The following CYRIA variants were observed in gnomAD, a reference collection of about 807,000 sequenced individuals.
CYRIA encodes CYFIP-related Rac1 interactor A.
A neutral mutation model predicts 43.9 loss-of-function variants in CYRIA; 15 were observed. That is an observed-to-expected ratio of 0.34 (90% confidence interval 0.23 to 0.53). The LOEUF (loss-of-function observed/expected upper bound fraction) is 0.53. Among genes scored for constraint, CYRIA ranks in the 20% least tolerant of loss-of-function variants. The pLI is 0.94. For synonymous variants in CYRIA, 117 were observed against 136.0 expected (o/e 0.86, Z 0.97); for missense variants, 236 against 394.2 (o/e 0.60, Z 3.40).
intron 2 of CYRIA, among the ~76,000 whole-genome samples, chr2:16,620,474 C>T (rs1263496225): frequency 9.2e-5 from 14 of 152,180 alleles, no homozygotes; most frequent in Admixed American, 9.2e-4. Context: ...TTCAGTTGAT[C>T]TGTGTGAACT....
At chr2:16,587,858 G>A (rs1003576977) in intron 3 of CYRIA, among the ~76,000 whole-genome samples, 192 bp downstream of exon 3, 6 of 152,112 alleles carry the variant, frequency 3.9e-5, no homozygotes, top group East Asian at 1.9e-4. Context: ...ATGTGGAACC[G>A]TGAGTCAAAC....
At chr2:16,568,020 A>G (rs1667002952) in intron 3 of CYRIA, among the ~76,000 whole-genome samples, 1 of 152,126 alleles carries the variant, frequency 6.6e-6, no homozygotes, top group South Asian at 2.1e-4. Context: ...AGGTTAGAAA[A>G]CAATCTACTG....
In CYRIA at chr2:16,650,726, G is replaced by A. The variant is rs943553185; in HGVS notation, c.-167+15054C>T. Among the ~76,000 whole-genome samples the A allele has an allele frequency of 2.6e-5, 4 of 152,102 alleles. No homozygotes were observed. Among genetic ancestry groups the A allele is most frequent in the African/African-American group, 4.8e-5 (2 of 41,424 alleles). On this transcript the variant is annotated intron_variant, in intron 1 of 11. Transcript: ENST00000381323. The surrounding 1 kb of genome is among the most constrained non-coding windows in gnomAD (Gnocchi z 4.1). Reference sequence around the variant, plus strand: ...GAATGCCCATTACATGCCTGCAACCGGCACCGGGAATGGCAACAATCAGAG... The same window carrying A: ...GAATGCCCATTACATGCCTGCAACCAGCACCGGGAATGGCAACAATCAGAG...
At chr2:16,573,055 G>A (rs940284434) in intron 3 of CYRIA, among the ~76,000 whole-genome samples, 2 of 152,112 alleles carry the variant, frequency 1.3e-5, no homozygotes, top group Admixed American at 6.5e-5. Flanking sequence ...GACACACTAA[G>A]AACCCACACC....
At chr2:16,627,054 T>C (rs1408515836) in intron 1 of CYRIA, among the ~76,000 whole-genome samples, 1 of 152,088 alleles carries the variant, frequency 6.6e-6, no homozygotes, top group African/African-American at 2.4e-5. Flanking sequence ...GGGCCCGAAA[T>C]AGGCATCTCC....
chr2:16,641,177 T>C (rs180852081), intron 1 of CYRIA, among the ~76,000 whole-genome samples: 2 of 152,294 alleles, frequency 1.3e-5, no homozygotes, highest in Admixed American at 6.5e-5. Context: ...ACGGCTATTA[T>C]TGCATCACTC....
intron 1 of CYRIA, among the ~76,000 whole-genome samples, chr2:16,639,279 A>G (rs1267685232): frequency 2.6e-5 from 4 of 152,252 alleles, no homozygotes; most frequent in East Asian, 1.9e-4. Flanking sequence ...TATTTCGCCA[A>G]TGAATGTATG....
intron 5 of CYRIA, among the ~76,000 whole-genome samples, 200 bp from the exon 6 acceptor site, chr2:16,562,341 C>G (rs563078046): frequency 2.0e-5 from 3 of 152,058 alleles, no homozygotes; most frequent in Non-Finnish European, 4.4e-5. Flanking sequence ...CTGAGGAAAC[C>G]CCCCATGGCC....
At chr2:16,612,194 A>G (rs1340856215) in intron 2 of CYRIA, among the ~76,000 whole-genome samples, 1 of 152,176 alleles carries the variant, frequency 6.6e-6, no homozygotes, top group African/African-American at 2.4e-5. Context: ...TGAAAGAATG[A>G]GTGAAGAATG....
chr2:16,578,376 C>A (rs1389811794), intron 3 of CYRIA, among the ~76,000 whole-genome samples: 2 of 152,096 alleles, frequency 1.3e-5, no homozygotes, highest in Non-Finnish European at 2.9e-5. Context: ...AAACACAAAG[C>A]AAGAAAATAT....
chr2:16,630,225 T>C (rs1414557000), intron 1 of CYRIA, among the ~76,000 whole-genome samples: 1 of 152,074 alleles, frequency 6.6e-6, no homozygotes, highest in Non-Finnish European at 1.5e-5. Context: ...AGAGGCTGAG[T>C]GATGAGCTCT....
chr2:16,562,962 G>GA (rs2103413909), intron 5 of CYRIA, among the ~76,000 whole-genome samples: 1 of 152,254 alleles, frequency 6.6e-6, no homozygotes, highest in Non-Finnish European at 1.5e-5. Flanking sequence ...GCCCTTTACA[G>GA]AAAAGTTTGC....
Position 16,550,667 on chromosome 2 carries a change from A to T in CYRIA, c.*2269T>A, listed in dbSNP as rs1666274507. On this transcript the variant is annotated 3_prime_UTR_variant, in exon 12 of 12. Coordinates refer to ENST00000381323, the MANE Select transcript of CYRIA (RefSeq NM_030797.4). ...TTTACTCTGAGCTCAATCTAATTTG[A>T]CAGGTAATTCCTCACATTTTCTCCA... The T allele has an allele frequency of 6.6e-6, 1 of 152,162 alleles. No individual in the cohort carries two copies. The highest frequency in any genetic ancestry group is 2.4e-5 in the African/African-American group (1 of 41,446). 9.4% of individuals were successfully genotyped at this position (152,162 alleles called of 1,614,324 possible).
At chr2:16,606,833 G>A (rs1668416010) in intron 2 of CYRIA, among the ~76,000 whole-genome samples, 1 of 152,106 alleles carries the variant, frequency 6.6e-6, no homozygotes, top group Admixed American at 6.5e-5. Context: ...TTAAACTGGA[G>A]CTCATCTGGG....
At chr2:16,609,169 T>C (rs934464256) in intron 2 of CYRIA, among the ~76,000 whole-genome samples, 7 of 152,156 alleles carry the variant, frequency 4.6e-5, no homozygotes, top group Middle Eastern at 3.2e-3. Context: ...AGACATTTGC[T>C]CATTCAACAT....
chr2:16,593,718 G>GTTTTTTTTTTTT (rs572181896), intron 2 of CYRIA, among the ~76,000 whole-genome samples: 2 of 85,852 alleles, frequency 2.3e-5, no homozygotes, highest in Non-Finnish European at 4.5e-5. Flanking sequence ...GTGTGTGTGT[G>GTTTTTTTTTTTT]TTTTTTTTTT....
intron 1 of CYRIA, among the ~76,000 whole-genome samples, chr2:16,661,893 G>A (rs536437299): frequency 6.3e-4 from 96 of 152,134 alleles, no homozygotes; most frequent in African/African-American, 2.3e-3. Flanking sequence ...TAATACTAAT[G>A]TCATAGAATT....
chr2:16,628,507 A>AT (rs1366124741), intron 1 of CYRIA, among the ~76,000 whole-genome samples: 2 of 152,178 alleles, frequency 1.3e-5, no homozygotes, highest in Non-Finnish European at 2.9e-5. Flanking sequence ...TTACTTCCAC[A>AT]TACTCCCTAC....
intron 2 of CYRIA, among the ~76,000 whole-genome samples, chr2:16,609,486 CCT>C (rs1371132149): frequency 6.6e-6 from 1 of 152,168 alleles, no homozygotes; most frequent in African/African-American, 2.4e-5. Flanking sequence ...ACCACGGGAC[CCT>C]TGCACTTGCT....
Sources: allele counts gnomAD v4.1 joint callset (sites outside exome capture counted in the v4.1 genomes callset), GRCh38; gene constraint gnomAD v4.1.1; non-coding constraint Gnocchi (gnomAD v3.1); transcripts MANE v1.5; gene names NCBI Gene and HGNC (gene_info 2026-07-23, HGNC 2026-07-21).